Variants in KIF15 observed in about 807,000 individuals in gnomAD.
KIF15 encodes kinesin-like protein KIF15.
A neutral mutation model predicts 190.6 loss-of-function variants in KIF15; 140 were observed. The ratio of observed to expected loss-of-function variants is 0.73; its 90% confidence interval spans 0.64 to 0.84. KIF15 has a LOEUF of 0.84. Among genes scored for constraint, KIF15 ranks in the 40% least tolerant of loss-of-function variants. KIF15 has a pLI of 0.00. For synonymous variants in KIF15, 528 were observed against 551.3 expected, an observed-to-expected ratio of 0.96 and a Z score of 0.59; for missense variants, 1,372 against 1,584.4, an observed-to-expected ratio of 0.87 and a Z score of 2.28.
chr3:44,841,255 T>C lies in KIF15; in HGVS notation c.3585+17T>C. 6.3e-7 allele frequency: 1 copy of C among 1,583,560 alleles called. No individual in the cohort carries two copies. The highest frequency in any genetic ancestry group is 8.6e-7 in the Non-Finnish European group (1 of 1,166,320). On this transcript the variant is annotated intron_variant, in intron 29 of 34. Transcript: ENST00000326047. ...AGAATGAAGGTAATTGGATTTTTTT[T>C]CCAGTAAATTTAATTATTTTTAAAG...
At chr3:44,762,225 G>C (rs964583346) in intron 1 of KIF15, among the ~76,000 whole-genome samples, 14 of 152,298 alleles carry the variant, frequency 9.2e-5, no homozygotes, top group African/African-American at 3.1e-4. Context: ...TACCTCTCTA[G>C]ATATCCTTGT....
intron 8 of KIF15, 48 bp from the exon 9 acceptor site, chr3:44,797,501 AAG>A: frequency 6.3e-7 from 1 of 1,591,720 alleles, no homozygotes; most frequent in Non-Finnish European, 8.6e-7. Flanking sequence ...CAAAATACCA[AAG>A]AGTAACCAAC....
intron 30 of KIF15, among the ~76,000 whole-genome samples, chr3:44,844,206 T>A (rs970017219): frequency 5.9e-5 from 9 of 152,180 alleles, no homozygotes; most frequent in Non-Finnish European, 2.9e-5. Flanking sequence ...ACACCCCTGA[T>A]ATGAGTTGTT....
intron 19 of KIF15, among the ~76,000 whole-genome samples, chr3:44,813,625 G>GTTTTT (rs1288995908): frequency 1.9e-5 from 2 of 102,762 alleles, no homozygotes; most frequent in African/African-American, 6.5e-5. Flanking sequence ...TGTTTTGTTT[G>GTTTTT]TTTTGTTTTT....
Position 44,813,113 on chromosome 3 carries a change from G to C in KIF15, c.2316G>C (p.Gln772His), listed in dbSNP as rs772567007. The C allele has an allele frequency of 1.3e-5, 21 of 1,595,630 alleles. No individual in the cohort carries two copies. The East Asian group carries it at 4.8e-4, about 36-fold the overall frequency. Reference sequence around the variant, plus strand: ...AAAGAATTGATTGGACCAAACAGCAGGAAGAGCTTCTCTCACAGTTGAATG... The same window carrying C: ...AAAGAATTGATTGGACCAAACAGCACGAAGAGCTTCTCTCACAGTTGAATG... ...SSERIDWTKQ[Q>H]EELLSQLNVL... Residue 772 changes from glutamine (Q) to histidine (H), a missense_variant, in exon 19 of 35, where the codon CAG (glutamine) becomes CAC (histidine). Physicochemically the swap from Gln to His is conservative, Grantham distance 24 (BLOSUM62 0). Coordinates refer to ENST00000326047, the MANE Select transcript of KIF15 (RefSeq NM_020242.3).
In KIF15 at chr3:44,797,563, A is replaced by G. The variant is rs1446928538; in HGVS notation, c.862A>G (p.Ile288Val). Residue 288 changes from isoleucine (I) to valine (V), a missense_variant, in exon 9 of 35, where the codon ATA becomes GTA. Physicochemically the swap from Ile to Val is conservative, Grantham distance 29. Transcript: ENST00000326047. The part of the protein sequence containing the change: ...EGMRLKEAGN[I>V]NRSLSCLGQV... Reference sequence around the variant, plus strand: ...GTCAACACTTTAGGAAGCAGGTAACATAAATCGATCATTGAGCTGCCTGGG... The same window carrying G: ...GTCAACACTTTAGGAAGCAGGTAACGTAAATCGATCATTGAGCTGCCTGGG... 6.2e-7 allele frequency: 1 copy of G among 1,614,076 alleles called. No individual in the cohort carries two copies. Among genetic ancestry groups the G allele is most frequent in the Admixed American group, 1.7e-5 (1 of 59,968 alleles).
At chr3:44,789,623 T>C (rs1036661721) in intron 7 of KIF15, among the ~76,000 whole-genome samples, 1 of 143,684 alleles carries the variant, frequency 7.0e-6, no homozygotes, top group Non-Finnish European at 1.5e-5. Context: ...TTCAGTTTCA[T>C]TGCGATTTTT....
At chr3:44,798,849 A>G (rs1575607552) in intron 10 of KIF15, among the ~76,000 whole-genome samples, 1 of 152,144 alleles carries the variant, frequency 6.6e-6, no homozygotes, top group East Asian at 1.9e-4. Context: ...AGATAGGGTG[A>G]GATCTCACAG....
intron 6 of KIF15, chr3:44,865,466 T>C: frequency 4.7e-6 from 2 of 427,614 alleles, no homozygotes; most frequent in East Asian, 3.7e-5. Context: ...GTTGGTCTGC[T>C]TTGTGTATGG....
intron 8 of KIF15, among the ~76,000 whole-genome samples, chr3:44,796,665 C>G (rs1458246074): frequency 6.6e-6 from 1 of 152,138 alleles, no homozygotes; most frequent in Non-Finnish European, 1.5e-5. Flanking sequence ...ATACTCCTTC[C>G]ACTGCAGACC....
intron 14 of KIF15, among the ~76,000 whole-genome samples, chr3:44,804,765 C>A (rs1332445328): frequency 1.3e-5 from 2 of 152,102 alleles, no homozygotes; most frequent in African/African-American, 2.4e-5. Context: ...AAAATTGATA[C>A]CTGACAGAGA....
In KIF15 at chr3:44,860,527, A is replaced by G. The variant is rs958590114; in HGVS notation, c.*59+7733A>G. Among the ~76,000 whole-genome samples the G allele has an allele frequency of 2.0e-5, 3 of 152,022 alleles. No homozygotes were observed. In the South Asian group the frequency reaches 6.2e-4, roughly 31 times the overall value. ...TGGGAATACAGGTGCCCGCCACCACACCCAGCTAATTTTTTTTGTATTTTT... is the reference window on the plus strand; with the variant it reads ...TGGGAATACAGGTGCCCGCCACCACGCCCAGCTAATTTTTTTTGTATTTTT... On this transcript the variant is annotated intron_variant and NMD_transcript_variant, in intron 6 of 6. Transcript: ENST00000422209.
At chr3:44,838,652 G>A (rs562538808) in intron 27 of KIF15, among the ~76,000 whole-genome samples, 2 of 151,688 alleles carry the variant, frequency 1.3e-5, no homozygotes, top group Non-Finnish European at 2.9e-5. Flanking sequence ...GGAGGCTGAG[G>A]CACAAGAATT....
chr3:44,860,228 C>T (rs1699225320), intron 6 of KIF15, among the ~76,000 whole-genome samples: 1 of 152,156 alleles, frequency 6.6e-6, no homozygotes, highest in African/African-American at 2.4e-5. Context: ...AATGCAACAC[C>T]TCTTGATTTC....
chr3:44,774,975 C>T (rs533493466), intron 2 of KIF15, among the ~76,000 whole-genome samples: 1 of 152,060 alleles, frequency 6.6e-6, no homozygotes, highest in African/African-American at 2.4e-5. Context: ...TGGCAGATCC[C>T]TGTAATCCCA....
At chr3:44,830,115 G>A in intron 25 of KIF15, 40 bp downstream of exon 25, 1 of 1,116,340 alleles carries the variant, frequency 9.0e-7, no homozygotes, top group Non-Finnish European at 1.3e-6. Context: ...TTTGAGCATG[G>A]GACACTTCAC....
chr3:44,865,787 G>C (rs1162823155), intron 6 of KIF15: 1 of 155,414 alleles, frequency 6.4e-6, no homozygotes, highest in Non-Finnish European at 1.4e-5. Context: ...TGTGGCTTCG[G>C]TTGCTCTGAC....
chr3:44,864,695 T>G (rs539671154), intron 6 of KIF15, among the ~76,000 whole-genome samples: 1 of 152,308 alleles, frequency 6.6e-6, no homozygotes, highest in Admixed American at 6.5e-5. Context: ...CAGAAACTTT[T>G]CTGCCCTGTG....
At chr3:44,837,894 A>C (rs77550419) in intron 26 of KIF15, among the ~76,000 whole-genome samples, 2,843 of 152,246 alleles carry the variant, frequency 0.019, 76 homozygotes, top group African/African-American at 0.064. Flanking sequence ...ACAGCTGTTT[A>C]CTTTCCAGTA....
Sources: gnomAD v4.1 joint callset for allele counts (sites outside exome capture counted in the v4.1 genomes callset) on GRCh38, gnomAD v4.1.1 for gene constraint, MANE v1.5 for transcripts, NCBI Gene and HGNC (gene_info 2026-07-23, HGNC 2026-07-21) for gene names.